EML1: variants seen among roughly 807,000 people sequenced by gnomAD.
EML1 encodes echinoderm microtubule-associated protein-like 1.
EML1 carries 27 observed loss-of-function variants against 110.4 expected under a neutral mutation model. The ratio of observed to expected loss-of-function variants is 0.24; its 90% CI spans 0.18 to 0.34. The LOEUF (loss-of-function observed/expected upper bound fraction) is 0.34. Among genes scored for constraint, EML1 ranks in the 10% least tolerant of loss-of-function variants. The pLI is 1.00. For synonymous variants in EML1, 344 were observed against 385.8 expected, an observed-to-expected ratio of 0.89 and a Z score of 1.27; for missense variants, 741 against 1,030.9, an observed-to-expected ratio of 0.72 and a Z score of 3.85.
intron 1 of EML1, among the ~76,000 whole-genome samples, chr14:99,794,375 A>C (rs1344834277): frequency 6.6e-6 from 1 of 151,064 alleles, no homozygotes; most frequent in African/African-American, 2.4e-5. Context: ...TTATTGCTCC[A>C]TCAAAGGGCC....
intron 1 of EML1, among the ~76,000 whole-genome samples, chr14:99,782,967 T>C (rs2057557318): frequency 6.6e-6 from 1 of 151,490 alleles, no homozygotes; most frequent in African/African-American, 2.4e-5. Context: ...ATGCACACTA[T>C]GGAAAGACTC....
intron 1 of EML1, among the ~76,000 whole-genome samples, chr14:99,762,776 G>A (rs1205181313): frequency 6.6e-6 from 1 of 152,124 alleles, no homozygotes; most frequent in African/African-American, 2.4e-5. Context: ...CTTCGCCCTA[G>A]GTGACAGAGT....
chr14:99,865,004 G>A (rs776627420), intron 2 of EML1, among the ~76,000 whole-genome samples: 1 of 152,110 alleles, frequency 6.6e-6, no homozygotes, highest in South Asian at 2.1e-4. Flanking sequence ...GGGGCGGGTG[G>A]TGGGGATGGT....
intron 1 of EML1, among the ~76,000 whole-genome samples, chr14:99,763,938 T>C (rs935536743): frequency 1.3e-5 from 2 of 152,154 alleles, no homozygotes; most frequent in African/African-American, 4.8e-5. Flanking sequence ...TCATGACCTG[T>C]GCAGGCTTCT....
At chr14:99,756,185 C>A (rs1271383188) in intron 1 of EML1, among the ~76,000 whole-genome samples, 13 of 152,206 alleles carry the variant, frequency 8.5e-5, no homozygotes, top group Admixed American at 7.2e-4. Context: ...AGAGAAGGAC[C>A]CCAGGAGGCG....
At position 99,911,320 on chromosome 14, in the gene EML1, C is replaced by T. The variant is rs1238849768; in HGVS notation, c.1340-102C>T. ...GATTCATATTGCAATGATGTGCTCA[C>T]GGACAATATTGCGTTTTAAAACCTA... On this transcript the variant is annotated intron_variant, in intron 12 of 21. Transcript: ENST00000262233. The T allele has an allele frequency of 1.3e-5, 17 of 1,331,114 alleles. No individual in the cohort carries two copies. In the Admixed American group the frequency reaches 1.4e-4, roughly 11 times the overall value. 82.5% of individuals were successfully genotyped at this position (1,331,114 alleles called of 1,614,324 possible).
intron 13 of EML1, among the ~76,000 whole-genome samples, chr14:99,913,483 C>G (rs976166124): frequency 6.6e-6 from 1 of 152,056 alleles, no homozygotes; most frequent in African/African-American, 2.4e-5. Flanking sequence ...GGCCTATATT[C>G]TTTACTTTCT....
At chr14:99,926,605 CTG>C (rs1434778693) in intron 17 of EML1, among the ~76,000 whole-genome samples, 2 of 151,058 alleles carry the variant, frequency 1.3e-5, no homozygotes, top group African/African-American at 4.9e-5. Context: ...TTTTTAATGA[CTG>C]TTTTTTATTG....
intron 4 of EML1, among the ~76,000 whole-genome samples, chr14:99,881,215 T>C (rs1261553740): frequency 6.6e-6 from 1 of 152,172 alleles, no homozygotes; most frequent in East Asian, 1.9e-4. Flanking sequence ...GCTGACGTCA[T>C]AGGGATGGCT....
chr14:99,903,539 A>G (rs1222092016), intron 9 of EML1, among the ~76,000 whole-genome samples: 1 of 152,214 alleles, frequency 6.6e-6, no homozygotes, highest in African/African-American at 2.4e-5. Context: ...GCATACAATA[A>G]TTTAACATAA....
At chr14:99,843,034 G>A (rs908192892) in intron 1 of EML1, among the ~76,000 whole-genome samples, 6 of 152,132 alleles carry the variant, frequency 3.9e-5, no homozygotes. Flanking sequence ...CAGGATAATC[G>A]CTTGAGGCTA....
chr14:99,915,516 T>G (rs1566935856), intron 15 of EML1: 2 of 152,110 alleles, frequency 1.3e-5, no homozygotes, highest in Admixed American at 1.3e-4. Flanking sequence ...CGTGTATTAC[T>G]TGAGCACTGA....
At chr14:99,862,445 T>C (rs928408099) in intron 2 of EML1, among the ~76,000 whole-genome samples, 2 of 152,184 alleles carry the variant, frequency 1.3e-5, no homozygotes, top group Admixed American at 1.3e-4. Flanking sequence ...ATATTTTACC[T>C]TCTTGAGGGT....
intron 3 of EML1, chr14:99,874,862 T>C (rs1373055980): frequency 6.8e-7 from 1 of 1,463,472 alleles, no homozygotes. Flanking sequence ...CTTATCAAAA[T>C]ACTTTTCCAC....
chr14:99,850,265 T>G, intron 1 of EML1: 1 of 1,284,882 alleles, frequency 7.8e-7, no homozygotes, highest in Non-Finnish European at 1.0e-6. Context: ...ACAATGAGAT[T>G]GGAGAGGCGA....
Position 99,865,528 on chromosome 14 carries a change from C to A in EML1, c.265C>A (p.Gln89Lys), listed in dbSNP as rs781357485. 86 of 1,614,044 alleles carry A rather than the reference C, an allele frequency of 5.3e-5. No homozygotes were observed. The highest frequency in any genetic ancestry group is 7.2e-5 in the Non-Finnish European group (85 of 1,180,014). The change falls in exon 3 of 22, where the codon CAG becomes AAG. Residue 89 changes from glutamine (Q) to lysine (K), a missense_variant. By Grantham distance (53) the Gln-to-Lys change is moderately conservative. Coordinates refer to ENST00000262233, the MANE Select transcript of EML1 (RefSeq NM_004434.3). ...TTGTCTTACAGCAAGACCACTGATG[C>A]AGACCCTGCCTTTAAGAACCACGGT... The part of the protein sequence containing the change: ...KGPTKARPLM[Q>K]TLPLRTTVNN...
rs538724960 is a variant in EML1 at position 99,939,237 on chromosome 14, C to T, written c.2232C>T (p.Ala744=). The change falls in exon 21 of 22, where the codon GCC becomes GCT. Residue 744 remains alanine (A), a synonymous_variant. Coordinates refer to ENST00000262233, the MANE Select transcript of EML1 (RefSeq NM_004434.3). This position sits in a 1 kb window ranked among gnomAD's most constrained non-coding sequence, Gnocchi z 4.2. The part of the protein sequence containing the change: ...PEGSDGTDIN[A]VCRAHEKKLL... ...GCTCGGACGGAACCGACATCAATGC[C>T]GTCTGTCGGGCCCATGAGAAGAAAC... is the stretch of plus-strand genomic sequence containing the variant. 20 of 1,614,070 alleles carry T rather than the reference C, an allele frequency of 1.2e-5. No homozygotes were observed. The highest frequency in any genetic ancestry group is 8.9e-5 in the East Asian group (4 of 44,890).
chr14:99,790,376 T>C (rs534964279), upstream of EML1, among the ~76,000 whole-genome samples: 1 of 152,282 alleles, frequency 6.6e-6, no homozygotes, highest in Admixed American at 6.5e-5. Flanking sequence ...TTGCCCCAGC[T>C]GCACTGTATG....
At chr14:99,788,316 A>G (rs1434359271) in intron 1 of EML1, among the ~76,000 whole-genome samples, 1 of 152,228 alleles carries the variant, frequency 6.6e-6, no homozygotes, top group Non-Finnish European at 1.5e-5. Flanking sequence ...AATGCCTTGT[A>G]TTATACATCG....
Sources: allele counts gnomAD v4.1 joint callset (sites outside exome capture counted in the v4.1 genomes callset), GRCh38; gene constraint gnomAD v4.1.1; non-coding constraint Gnocchi (gnomAD v3.1); transcripts MANE v1.5; gene names NCBI Gene and HGNC (gene_info 2026-07-23, HGNC 2026-07-21).